DPP10: variants seen among roughly 807,000 people sequenced by gnomAD.
DPP10 encodes dipeptidyl peptidase like 10, also known as inactive dipeptidyl peptidase 10.
Under a neutral mutation model 120.9 loss-of-function variants are expected in DPP10, and 33 were observed. That is an observed-to-expected ratio of 0.27 (90% CI 0.21 to 0.37). The LOEUF is 0.37. Ranked by LOEUF, DPP10 falls within the 10% of genes least tolerant of loss-of-function variation. The pLI is 1.00. For missense variants in DPP10, 816 were observed against 942.8 expected, an observed-to-expected ratio of 0.87 and a Z score of 1.76; for synonymous variants, 337 against 326.1, an observed-to-expected ratio of 1.03 and a Z score of -0.36.
chr2:114,527,667 C>G (rs1685613977), intron 1 of DPP10, among the ~76,000 whole-genome samples: 1 of 152,044 alleles, frequency 6.6e-6, no homozygotes, highest in South Asian at 2.1e-4. Context: ...CGTTTAATGA[C>G]AGAGATATGT....
chr2:114,599,143 G>A (rs752901821), intron 1 of DPP10, among the ~76,000 whole-genome samples: 12 of 151,828 alleles, frequency 7.9e-5, no homozygotes, highest in Non-Finnish European at 1.5e-4. Context: ...TGTTAGTTAT[G>A]TTTTGACTGA....
intron 1 of DPP10, among the ~76,000 whole-genome samples, chr2:115,169,625 T>C (rs2053165295): frequency 1.3e-5 from 2 of 152,172 alleles, no homozygotes; most frequent in African/African-American, 4.8e-5. Flanking sequence ...ATATTCTCTT[T>C]CCAGAAGTTT....
chr2:115,827,312 C>T (rs200349859), intron 21 of DPP10, among the ~76,000 whole-genome samples: 2 of 34,716 alleles, frequency 5.8e-5, no homozygotes, highest in African/African-American at 9.0e-5. Flanking sequence ...TATATATACA[C>T]ATGTACATGT....
Position 114,639,548 on chromosome 2 carries a change from A to T in DPP10, c.60+196710A>T, listed in dbSNP as rs1427622999. Among the ~76,000 whole-genome samples the T allele has an allele frequency of 3.9e-5, 6 of 151,922 alleles. 1 individual carries two copies. The highest frequency in any genetic ancestry group is 1.5e-4 in the African/African-American group (6 of 41,158). ...TGGGTTGAAAAACTACTTATTGAGT[A>T]CTGTGCTTAGCACCTGGGTGACAGT... On this transcript the variant is annotated intron_variant, in intron 1 of 25. Coordinates refer to ENST00000410059, the MANE Select transcript of DPP10 (RefSeq NM_020868.6).
At chr2:115,547,886 C>T (rs1262969950) in intron 5 of DPP10, among the ~76,000 whole-genome samples, 2 of 151,962 alleles carry the variant, frequency 1.3e-5, no homozygotes, top group Non-Finnish European at 2.9e-5. Flanking sequence ...GTAGAGTTGG[C>T]ATCTTTCCTT....
At chr2:114,587,892 G>A (rs778269429) in intron 1 of DPP10, among the ~76,000 whole-genome samples, 1 of 152,150 alleles carries the variant, frequency 6.6e-6, no homozygotes, top group Non-Finnish European at 1.5e-5. Context: ...AGTGTCTAAC[G>A]ATTAGGCATC....
At chr2:115,368,169 G>A (rs1489818440) in intron 3 of DPP10, among the ~76,000 whole-genome samples, 2 of 152,062 alleles carry the variant, frequency 1.3e-5, no homozygotes, top group East Asian at 1.9e-4. Flanking sequence ...AAAATCATAC[G>A]AAGAAAAAGA....
chr2:115,311,046 C>T (rs1237533145), intron 2 of DPP10, among the ~76,000 whole-genome samples: 2 of 152,162 alleles, frequency 1.3e-5, no homozygotes, highest in Non-Finnish European at 2.9e-5. Context: ...TTCTGCTCAA[C>T]CCTTTTCAAT....
Position 115,351,339 on chromosome 2 carries a change from C to T in DPP10, c.271+7427C>T, listed in dbSNP as rs529702645. Reference sequence around the variant, plus strand: ...AAATCTTGAGGATGGGCAGACGTAACGATAGGAACAACAGGCATTAGTGAC... The same window carrying T: ...AAATCTTGAGGATGGGCAGACGTAATGATAGGAACAACAGGCATTAGTGAC... On this transcript the variant is annotated intron_variant, in intron 3 of 25. Coordinates refer to ENST00000410059, the MANE Select transcript of DPP10 (RefSeq NM_020868.6). 4.6e-5 allele frequency among the ~76,000 whole-genome samples: 7 copies of T among 151,998 alleles called. No homozygotes were observed. The South Asian group carries it at 6.2e-4, about 14-fold the overall frequency.
In DPP10 at chr2:114,581,344, T is replaced by C. The variant is rs530946860; in HGVS notation, c.60+138506T>C. Among the ~76,000 whole-genome samples, 71 of 151,858 alleles carry C rather than the reference T, an allele frequency of 4.7e-4. No individual in the cohort carries two copies. The East Asian group carries it at 8.0e-3, about 17-fold the overall frequency. On this transcript the variant is annotated intron_variant, in intron 1 of 25. Coordinates refer to ENST00000410059, the MANE Select transcript of DPP10 (RefSeq NM_020868.6). ...GACTACAGGTGCCCACCACCACGCCTGGCTAACTTTTTGTATTTTTAGTAG... is the reference window on the plus strand; with the variant it reads ...GACTACAGGTGCCCACCACCACGCCCGGCTAACTTTTTGTATTTTTAGTAG...
chr2:114,666,170 T>C lies in DPP10; in HGVS notation c.60+223332T>C, dbSNP rs146815518. On this transcript the variant is annotated intron_variant, in intron 1 of 25. Transcript: ENST00000410059. Reference sequence around the variant, plus strand: ...ATGTTATCTTACTCCCTATTCCTAATGCATAGCTCAGTGCTAGGTACATAG... The same window carrying C: ...ATGTTATCTTACTCCCTATTCCTAACGCATAGCTCAGTGCTAGGTACATAG... Among the ~76,000 whole-genome samples the C allele has an allele frequency of 6.0e-4, 91 of 152,304 alleles. 2 individuals are homozygous for C. Among genetic ancestry groups the C allele is most frequent in the African/African-American group, 2.2e-3 (90 of 41,560 alleles).
chr2:114,882,604 G>A (rs1691736108), intron 1 of DPP10, among the ~76,000 whole-genome samples: 1 of 151,982 alleles, frequency 6.6e-6, no homozygotes, highest in Non-Finnish European at 1.5e-5. Flanking sequence ...GGGGACAGGT[G>A]CACCTAAATC....
chr2:115,558,608 T>C (rs529541000), intron 5 of DPP10, among the ~76,000 whole-genome samples: 2 of 152,308 alleles, frequency 1.3e-5, no homozygotes, highest in South Asian at 4.1e-4. Context: ...TCCTAAGCGA[T>C]GTAGAACATA....
intron 5 of DPP10, among the ~76,000 whole-genome samples, chr2:115,634,082 T>C (rs2086119962): frequency 1.3e-5 from 2 of 152,218 alleles, no homozygotes; most frequent in South Asian, 4.1e-4. Flanking sequence ...TCTTCAGTTA[T>C]TGATACTTGT....
chr2:115,382,918 G>A (rs148044270), intron 3 of DPP10, among the ~76,000 whole-genome samples: 114 of 152,128 alleles, frequency 7.5e-4, no homozygotes, highest in African/African-American at 2.6e-3. Context: ...AGAACGCTGG[G>A]GTCTGTCTCT....
In DPP10 at chr2:115,667,536, G is replaced by A. The variant is rs146432311; in HGVS notation, c.442-22151G>A. 1.3e-4 allele frequency among the ~76,000 whole-genome samples: 20 copies of A among 152,138 alleles called. No individual in the cohort carries two copies. The East Asian group carries it at 3.5e-3, about 26-fold the overall frequency. On this transcript the variant is annotated intron_variant, in intron 5 of 25. Coordinates refer to ENST00000410059, the MANE Select transcript of DPP10 (RefSeq NM_020868.6). ...GGTTTTTGTATGTGGTAAAGAAAGG[G>A]TACAGTTTCATTCTTCTCCAAATGT...
intron 1 of DPP10, among the ~76,000 whole-genome samples, chr2:115,091,258 C>T (rs138712091): frequency 4.3e-4 from 66 of 152,288 alleles, no homozygotes; most frequent in African/African-American, 1.4e-3. Flanking sequence ...TGTCTGGCTC[C>T]CTTCATCCCT....
At chr2:115,725,565 A>G (rs550638168) in intron 7 of DPP10, among the ~76,000 whole-genome samples, 1 of 152,334 alleles carries the variant, frequency 6.6e-6, no homozygotes, top group African/African-American at 2.4e-5. Context: ...AAATGTAATT[A>G]CTGGTCAATA....
At chr2:115,267,016 C>G (rs2059489704) in intron 1 of DPP10, among the ~76,000 whole-genome samples, 1 of 152,176 alleles carries the variant, frequency 6.6e-6, no homozygotes, top group South Asian at 2.1e-4. Context: ...CAGAGGACTG[C>G]TGAATTGTCC....
Sources: gnomAD v4.1 joint callset for allele counts (sites outside exome capture counted in the v4.1 genomes callset) on GRCh38, gnomAD v4.1.1 for gene constraint, MANE v1.5 for transcripts, NCBI Gene and HGNC (gene_info 2026-07-23, HGNC 2026-07-21) for gene names.